Variants in PHACTR2 observed in about 807,000 individuals in gnomAD.
PHACTR2 encodes phosphatase and actin regulator 2.
In PHACTR2, 30 loss-of-function variants were observed where a neutral mutation model predicts 76.0. The ratio of observed to expected loss-of-function variants is 0.39; its 90% CI spans 0.30 to 0.54. PHACTR2 has a LOEUF of 0.54. Ranked by LOEUF, PHACTR2 falls within the 20% of genes least tolerant of loss-of-function variation. The pLI, the probability that PHACTR2 is intolerant of heterozygous loss-of-function variation, is 0.61. For synonymous variants in PHACTR2, 292 were observed against 292.5 expected (o/e 1.00, Z 0.02); for missense variants, 696 against 781.1 (o/e 0.89, Z 1.30).
chr6:143,593,876 C>A (rs1489407109), intron 1 of PHACTR2, among the ~76,000 whole-genome samples: 1 of 152,228 alleles, frequency 6.6e-6, no homozygotes, highest in Non-Finnish European at 1.5e-5. Context: ...GCAACCATTT[C>A]TCCATGCTCT....
In PHACTR2 at chr6:143,618,694, C is replaced by T. The variant is rs74652502; in HGVS notation, c.13+10372C>T. ...TCCCCAGACCCTCTCACTTGCATGT[C>T]CCCTATTGCCATATTGCAAAGCCTC... On this transcript the variant is annotated intron_variant, in intron 1 of 11. Coordinates refer to the PHACTR2 transcript ENST00000305766. The surrounding 1 kb of genome is among the most constrained non-coding windows in gnomAD (Gnocchi z 5.2). Among the ~76,000 whole-genome samples, 1 of 152,100 alleles carries T rather than the reference C, an allele frequency of 6.6e-6. No individual in the cohort carries two copies. The highest frequency in any genetic ancestry group is 2.4e-5 in the African/African-American group (1 of 41,406).
At chr6:143,727,422 G>T (rs536118264) in intron 2 of PHACTR2, among the ~76,000 whole-genome samples, 10 of 152,120 alleles carry the variant, frequency 6.6e-5, no homozygotes, top group Non-Finnish European at 1.5e-5. Flanking sequence ...ATAAACATGG[G>T]CATGCAGGTA....
At position 143,710,044 on chromosome 6, in the gene PHACTR2, A is replaced by G. The variant is rs932686432; in HGVS notation, c.47-1972A>G. Among the ~76,000 whole-genome samples, 5 of 152,170 alleles carry G rather than the reference A, an allele frequency of 3.3e-5. No homozygotes were observed. Among genetic ancestry groups the G allele is most frequent in the South Asian group, 2.1e-4 (1 of 4,818 alleles). The stretch of plus-strand genomic sequence containing the variant: ...GGCATGCATGGTCACAGGTTCTTCT[A>G]TGGTGCTCGGCTGTAGTAGAGCAGT... On this transcript the variant is annotated intron_variant, in intron 1 of 12. Coordinates refer to ENST00000440869, the MANE Select transcript of PHACTR2 (RefSeq NM_001100164.2). This position sits in a 1 kb window ranked among gnomAD's most constrained non-coding sequence, Gnocchi z 4.9.
At chr6:143,606,995 T>C (rs1186429716), upstream of PHACTR2, among the ~76,000 whole-genome samples, 1 of 152,204 alleles carries the variant, frequency 6.6e-6, no homozygotes, top group African/African-American at 2.4e-5. Flanking sequence ...TAGGAAATCC[T>C]GAAGTTACAT....
At chr6:143,693,098 T>G (rs1384718374) in intron 1 of PHACTR2, among the ~76,000 whole-genome samples, 1 of 152,200 alleles carries the variant, frequency 6.6e-6, no homozygotes, top group Non-Finnish European at 1.5e-5. Context: ...CCATATGACC[T>G]CATTTTACCT....
At chr6:143,615,184 T>G (rs1433636601) in intron 1 of PHACTR2, among the ~76,000 whole-genome samples, 1 of 152,188 alleles carries the variant, frequency 6.6e-6, no homozygotes, top group Non-Finnish European at 1.5e-5. Flanking sequence ...GGCTAAGAGC[T>G]CACCCAATAA....
chr6:143,613,270 C>T lies in PHACTR2; in HGVS notation c.13+4948C>T, dbSNP rs959798818. 6.6e-5 allele frequency among the ~76,000 whole-genome samples: 10 copies of T among 152,350 alleles called. No individual in the cohort carries two copies. In the East Asian group the frequency reaches 1.5e-3, roughly 24 times the overall value. ...GATTACAGGCGTGAGCCACCGCGCC[C>T]GGCCCATGTAAAGATATTTTTCTAA... On this transcript the variant is annotated intron_variant, in intron 1 of 11. Transcript: ENST00000305766.
intron 1 of PHACTR2, among the ~76,000 whole-genome samples, chr6:143,638,774 A>G (rs1776513649): frequency 6.6e-6 from 1 of 152,246 alleles, no homozygotes; most frequent in Admixed American, 6.5e-5. Flanking sequence ...ATATTTTAAG[A>G]ATAGTAAATC....
At chr6:143,673,951 G>C (rs1405050486), upstream of PHACTR2, among the ~76,000 whole-genome samples, 1 of 152,046 alleles carries the variant, frequency 6.6e-6, no homozygotes, top group Admixed American at 6.6e-5. Context: ...CTGTCTTTCA[G>C]GTTTGTTTCC....
intron 3 of PHACTR2, among the ~76,000 whole-genome samples, chr6:143,752,065 T>C (rs1356630122): frequency 2.0e-5 from 3 of 152,140 alleles, no homozygotes; most frequent in African/African-American, 7.2e-5. Flanking sequence ...CTCTCTATCA[T>C]AGGATAAGAC....
At chr6:143,773,992 T>C (rs1420083536) in intron 7 of PHACTR2, 67 bp from the exon 8 acceptor site, 10 of 1,387,372 alleles carry the variant, frequency 7.2e-6, no homozygotes, top group Non-Finnish European at 1.0e-5. Flanking sequence ...GTCCATGCCA[T>C]GTGTAACCTG....
intron 4 of PHACTR2, among the ~76,000 whole-genome samples, chr6:143,756,693 C>T (rs113650106): frequency 1.7e-4 from 15 of 89,366 alleles, no homozygotes; most frequent in South Asian, 8.5e-4. Context: ...AGCGAGACTC[C>T]GTCTCAAAAA....
At chr6:143,609,648 A>T (rs893821772) in intron 1 of PHACTR2, among the ~76,000 whole-genome samples, 2 of 152,258 alleles carry the variant, frequency 1.3e-5, no homozygotes, top group Non-Finnish European at 2.9e-5. Context: ...GTGAGTAAAA[A>T]TTAAATAAAT....
In PHACTR2 at chr6:143,822,935, T is replaced by C. The variant is rs1018406124; in HGVS notation, c.1923-739T>C. Among the ~76,000 whole-genome samples, 3 of 152,194 alleles carry C rather than the reference T, an allele frequency of 2.0e-5. No homozygotes were observed. Among genetic ancestry groups the C allele is most frequent in the Admixed American group, 1.3e-4 (2 of 15,282 alleles). On this transcript the variant is annotated intron_variant, in intron 12 of 12. Coordinates refer to ENST00000440869, the MANE Select transcript of PHACTR2 (RefSeq NM_001100164.2). The surrounding 1 kb of genome is among the most constrained non-coding windows in gnomAD (Gnocchi z 5.5). ...AGCTGGCTGGCTAACAAGCATACCGTAAAAGTAGTGCCAGCAAAAGATGGA... is the reference window on the plus strand; with the variant it reads ...AGCTGGCTGGCTAACAAGCATACCGCAAAAGTAGTGCCAGCAAAAGATGGA...
intron 2 of PHACTR2, among the ~76,000 whole-genome samples, chr6:143,736,765 G>A (rs567832162): frequency 4.6e-5 from 7 of 151,334 alleles, no homozygotes; most frequent in African/African-American, 1.2e-4. Context: ...TAATAGAGAC[G>A]GGGTTTTACT....
In PHACTR2 at chr6:143,698,898, G is replaced by T. The variant is rs773530338; in HGVS notation, c.47-13118G>T. On this transcript the variant is annotated intron_variant, in intron 1 of 12. Coordinates refer to ENST00000440869, the MANE Select transcript of PHACTR2 (RefSeq NM_001100164.2). The surrounding 1 kb of genome is among the most constrained non-coding windows in gnomAD (Gnocchi z 4.3). Reference sequence around the variant, plus strand: ...GATATCTCCTTCCTCCTCTCCCTTGGATTGTCCGAACCCTGGGTCTCCTTG... The same window carrying T: ...GATATCTCCTTCCTCCTCTCCCTTGTATTGTCCGAACCCTGGGTCTCCTTG... Among the ~76,000 whole-genome samples the T allele has an allele frequency of 6.6e-6, 1 of 152,124 alleles. No homozygotes were observed. Among genetic ancestry groups the T allele is most frequent in the Non-Finnish European group, 1.5e-5 (1 of 68,032 alleles).
intron 11 of PHACTR2, 84 bp downstream of exon 11, chr6:143,788,994 C>G: frequency 1.6e-6 from 2 of 1,271,478 alleles, no homozygotes; most frequent in Non-Finnish European, 2.2e-6. Context: ...TAAGTCATCC[C>G]AGGGGACGAG....
intron 1 of PHACTR2, among the ~76,000 whole-genome samples, chr6:143,572,661 T>G (rs1470889498): frequency 6.6e-6 from 1 of 152,186 alleles, no homozygotes; most frequent in Non-Finnish European, 1.5e-5. Flanking sequence ...CAAGCAATCC[T>G]CATGCCTCAG....
chr6:143,602,796 C>A lies in PHACTR2; in HGVS notation c.217+65589C>A, dbSNP rs1243843109. Among the ~76,000 whole-genome samples the A allele has an allele frequency of 1.3e-5, 2 of 152,100 alleles. No individual in the cohort carries two copies. The highest frequency in any genetic ancestry group is 2.9e-5 in the Non-Finnish European group (2 of 68,014). ...GTTGCCTTATGTAAGGTCCAGACAC[C>A]AGGCAATCTGGATGTGCAGAAAAGT... On this transcript the variant is annotated intron_variant, in intron 1 of 11. Transcript: ENST00000367584. The surrounding 1 kb of genome is among the most constrained non-coding windows in gnomAD (Gnocchi z 6.1).
Sources: allele counts gnomAD v4.1 joint callset (sites outside exome capture counted in the v4.1 genomes callset), GRCh38; gene constraint gnomAD v4.1.1; non-coding constraint Gnocchi (gnomAD v3.1); transcripts MANE v1.5; gene names NCBI Gene and HGNC (gene_info 2026-07-23, HGNC 2026-07-21).